Variants in JADE1 observed in about 807,000 individuals in gnomAD.
JADE1 encodes the protein protein Jade-1.
JADE1 carries 14 observed loss-of-function variants against 81.8 expected under a neutral mutation model. The ratio of observed to expected loss-of-function variants is 0.17; its 90% CI spans 0.11 to 0.27. The LOEUF is 0.27. Ranked by LOEUF, JADE1 falls within the 10% of genes least tolerant of loss-of-function variation. JADE1 has a pLI of 1.00. For missense variants in JADE1, 690 were observed against 1,047.9 expected, an observed-to-expected ratio of 0.66 and a Z score of 4.71; for synonymous variants, 353 against 391.9, an observed-to-expected ratio of 0.90 and a Z score of 1.17.
rs148990258 is a variant in JADE1, at chr4:128,871,131, G to A, written c.1622-224G>A. Among the ~76,000 whole-genome samples the A allele has an allele frequency of 9.8e-5, 15 of 152,318 alleles. No individual in the cohort carries two copies. The highest frequency in any genetic ancestry group is 2.2e-4 in the Non-Finnish European group (15 of 68,020). ...ATGAAAAATTATGTGAGCTTCAGCT[G>A]TTTTAGAAAATGTGGCATATTGAGT... is the stretch of plus-strand genomic sequence containing the variant. On this transcript the variant is annotated intron_variant, in intron 10 of 10. Coordinates refer to ENST00000226319, the MANE Select transcript of JADE1 (RefSeq NM_199320.4). This position sits in a 1 kb window ranked among gnomAD's most constrained non-coding sequence, Gnocchi z 4.1.
rs752105555 is a variant in JADE1 at position 128,871,431 on chromosome 4, T to A, written c.1698T>A (p.Ala566=). 10 of 1,614,056 alleles carry A rather than the reference T, an allele frequency of 6.2e-6. No homozygotes were observed. The Admixed American group carries it at 1.7e-4, about 27-fold the overall frequency. Residue 566 remains alanine, a synonymous_variant, in exon 11 of 11, where the codon GCT becomes GCA. Transcript: ENST00000226319. This position sits in a 1 kb window ranked among gnomAD's most constrained non-coding sequence, Gnocchi z 4.1. ...LFNSPSVGPD[A]PKIEDLKWHS... is the part of the protein sequence containing the mutation. ...ACAGTCCTTCTGTTGGCCCTGATGCTCCCAAGATAGAGGACTTGAAGTGGC... is the reference window on the plus strand; with the variant it reads ...ACAGTCCTTCTGTTGGCCCTGATGCACCCAAGATAGAGGACTTGAAGTGGC...
chr4:128,858,696 G>A (rs1054779233), intron 8 of JADE1, among the ~76,000 whole-genome samples: 40 of 151,192 alleles, frequency 2.6e-4, no homozygotes, highest in Admixed American at 2.2e-3. Context: ...TCCGCCTCCC[G>A]GGTTCAGGCG....
intron 9 of JADE1, among the ~76,000 whole-genome samples, 156 bp from the exon 10 acceptor site, chr4:128,867,700 T>A (rs1025654074): frequency 2.0e-5 from 3 of 152,228 alleles, no homozygotes; most frequent in African/African-American, 7.2e-5. Flanking sequence ...CAAAAGGAGA[T>A]CAGAGATTGG....
intron 10 of JADE1, among the ~76,000 whole-genome samples, chr4:128,869,106 A>G (rs949903130): frequency 2.0e-5 from 3 of 152,220 alleles, no homozygotes; most frequent in Non-Finnish European, 4.4e-5. Flanking sequence ...GAAGAAATAA[A>G]AAAAGGTTTA....
In JADE1 at chr4:128,846,224, C is replaced by T; in HGVS notation, c.139-151C>T. 1 of 743,692 alleles carries T rather than the reference C, an allele frequency of 1.3e-6. No individual in the cohort carries two copies. The highest frequency in any genetic ancestry group is 2.4e-5 in the Admixed American group (1 of 42,258). 46.1% of individuals were successfully genotyped at this position (743,692 alleles called of 1,614,324 possible). On this transcript the variant is annotated intron_variant, in intron 3 of 10. Coordinates refer to ENST00000226319, the MANE Select transcript of JADE1 (RefSeq NM_199320.4). The surrounding 1 kb of genome is among the most constrained non-coding windows in gnomAD (Gnocchi z 4.0). ...TGCCTGAGTGAGGTAAAAGGCGTGT[C>T]AGGCAAAGTTTTTCTGTAATAGGTC...
rs1040935941 is a variant in JADE1 at position 128,874,707 on chromosome 4, A to C, written c.*2445A>C. On this transcript the variant is annotated 3_prime_UTR_variant, in exon 11 of 11. Transcript: ENST00000226319. ...CAGCCCAAACACCCACTTGCGTTCT[A>C]TTAGTATGGAACCATTTGCATTTGT... 2.2e-4 allele frequency: 33 copies of C among 152,688 alleles called. No individual in the cohort carries two copies. The highest frequency in any genetic ancestry group is 7.7e-4 in the African/African-American group (32 of 41,560). The allele number at this position is 152,688 out of a possible 1,614,324, so 9.5% of individuals were successfully genotyped here.
chr4:128,850,255 T>C (rs921446155), intron 5 of JADE1, among the ~76,000 whole-genome samples: 2 of 151,298 alleles, frequency 1.3e-5, no homozygotes, highest in Non-Finnish European at 2.9e-5. Context: ...GGAGGTTTCC[T>C]TGAGCCGGGA....
At chr4:128,833,942 T>C (rs1728764614) in intron 2 of JADE1, among the ~76,000 whole-genome samples, 1 of 152,224 alleles carries the variant, frequency 6.6e-6, no homozygotes, top group African/African-American at 2.4e-5. Flanking sequence ...TGGACTAGCA[T>C]TGTCCCATAG....
chr4:128,861,263 G>A (rs1731303139), intron 8 of JADE1, among the ~76,000 whole-genome samples: 1 of 152,214 alleles, frequency 6.6e-6, no homozygotes, highest in Non-Finnish European at 1.5e-5. Flanking sequence ...CTCTACACAT[G>A]TCATTTGTGT....
chr4:128,811,798 G>A (rs1726421679), intron 1 of JADE1: 1 of 151,622 alleles, frequency 6.6e-6, no homozygotes, highest in East Asian at 2.0e-4. Flanking sequence ...TTTGTTTGTT[G>A]GTTCCGCGCC....
rs531103890 is a variant in JADE1, at chr4:128,847,311, G to A, written c.296+779G>A. On this transcript the variant is annotated intron_variant, in intron 4 of 10. Transcript: ENST00000226319. ...TTTGCGAAATAGTGTCTTTCTCCACGCTGAGTCATTACTGAACTTGCTTCC... is the reference window on the plus strand; with the variant it reads ...TTTGCGAAATAGTGTCTTTCTCCACACTGAGTCATTACTGAACTTGCTTCC... 5.3e-5 allele frequency among the ~76,000 whole-genome samples: 8 copies of A among 152,316 alleles called. No homozygotes were observed. The South Asian group carries it at 1.5e-3, about 28-fold the overall frequency.
In JADE1 at chr4:128,875,162, C is replaced by CTAT. The variant is rs1434260521; in HGVS notation, c.*2902_*2904dup. Reference sequence around the variant, plus strand: ...AGGACAGCTGTATTTTTTTGTTGAACTATTTAGTAGAATTGTGCCTTTTTG... The same window carrying CTAT: ...AGGACAGCTGTATTTTTTTGTTGAACTATTATTTAGTAGAATTGTGCCTTTTTG... On this transcript the variant is annotated 3_prime_UTR_variant, in exon 11 of 11. Transcript: ENST00000226319. 6.6e-6 allele frequency: 1 copy of CTAT among 152,512 alleles called. No individual in the cohort carries two copies. The highest frequency in any genetic ancestry group is 1.5e-5 in the Non-Finnish European group (1 of 68,004). The allele number at this position is 152,512 out of a possible 1,614,324, so 9.4% of individuals were successfully genotyped here.
In JADE1 at chr4:128,857,331, C is replaced by G; in HGVS notation, c.865-7C>G. The G allele has an allele frequency of 6.2e-7, 1 of 1,612,220 alleles. No homozygotes were observed. The highest frequency in any genetic ancestry group is 1.1e-5 in the South Asian group (1 of 91,026). ...GCCACCCTGTCTTGCTGTTTTCCGA[C>G]CTTTAGGTGAGCATTGGCAGCCCAG... On this transcript the variant is annotated splice_polypyrimidine_tract_variant and splice_region_variant and intron_variant, in intron 7 of 10. Coordinates refer to ENST00000226319, the MANE Select transcript of JADE1 (RefSeq NM_199320.4).
chr4:128,847,076 G>A (rs1729931902), intron 4 of JADE1, among the ~76,000 whole-genome samples: 1 of 152,162 alleles, frequency 6.6e-6, no homozygotes, highest in South Asian at 2.1e-4. Context: ...TATTCTTGGG[G>A]TACGTTCTCT....
chr4:128,846,535 A>G lies in JADE1; in HGVS notation c.296+3A>G. The G allele has an allele frequency of 1.2e-6, 2 of 1,614,030 alleles. No homozygotes were observed. Among genetic ancestry groups the G allele is most frequent in the South Asian group, 1.1e-5 (1 of 91,082 alleles). On this transcript the variant is annotated splice_donor_region_variant and intron_variant, in intron 4 of 10. Coordinates refer to ENST00000226319, the MANE Select transcript of JADE1 (RefSeq NM_199320.4). This position sits in a 1 kb window ranked among gnomAD's most constrained non-coding sequence, Gnocchi z 4.0. ...ACCATCCCTCAGCCTGTGGCCAGGT[A>G]GAGATGCCCTGAGGACAGAAGCCTC...
chr4:128,863,535 C>CGA, intron 9 of JADE1: 1 of 985,372 alleles, frequency 1.0e-6, no homozygotes, highest in African/African-American at 1.7e-5. Context: ...TTTTAATACA[C>CGA]GACTGAGTGC....
At chr4:128,852,486 T>C (rs763563250) in intron 6 of JADE1, among the ~76,000 whole-genome samples, 1 of 152,250 alleles carries the variant, frequency 6.6e-6, no homozygotes, top group African/African-American at 2.4e-5. Flanking sequence ...GCACCCTCTG[T>C]GGAAATCGTC....
chr4:128,820,564 C>T (rs1344656863), intron 1 of JADE1, among the ~76,000 whole-genome samples: 3 of 152,096 alleles, frequency 2.0e-5, no homozygotes, highest in South Asian at 2.1e-4. Context: ...ATCATAATAA[C>T]GAGGCTTGTA....
intron 1 of JADE1, among the ~76,000 whole-genome samples, chr4:128,822,438 T>C (rs1386532567): frequency 2.0e-5 from 3 of 151,710 alleles, no homozygotes; most frequent in African/African-American, 7.3e-5. Context: ...CATGGCCAGG[T>C]GCAGTGGCTC....
Sources: allele counts gnomAD v4.1 joint callset (sites outside exome capture counted in the v4.1 genomes callset), GRCh38; gene constraint gnomAD v4.1.1; non-coding constraint Gnocchi (gnomAD v3.1); transcripts MANE v1.5; gene names NCBI Gene and HGNC (gene_info 2026-07-23, HGNC 2026-07-21).